The following PPP1R9A variants were observed in gnomAD, a reference collection of about 807,000 sequenced individuals.
PPP1R9A encodes neurabin-1.
A neutral mutation model predicts 141.9 loss-of-function variants in PPP1R9A; 59 were observed. The ratio of observed to expected loss-of-function variants is 0.42; its 90% CI spans 0.34 to 0.52. PPP1R9A has a LOEUF of 0.52. Ranked by LOEUF, PPP1R9A falls within the 20% of genes least tolerant of loss-of-function variation. The probability of loss-of-function intolerance (pLI) is 0.10; values close to 1 mark genes in which losing one functional copy is unlikely to be tolerated. For synonymous variants in PPP1R9A, 500 were observed against 569.7 expected, an observed-to-expected ratio of 0.88 and a Z score of 1.74; for missense variants, 1,444 against 1,611.9, an observed-to-expected ratio of 0.90 and a Z score of 1.78.
intron 14 of PPP1R9A, among the ~76,000 whole-genome samples, chr7:95,273,048 G>A (rs948337339): frequency 6.6e-6 from 1 of 152,156 alleles, no homozygotes; most frequent in African/African-American, 2.4e-5. Context: ...GATGGAACAA[G>A]TGCCACCAGT....
chr7:95,091,133 T>A (rs1476706377), intron 2 of PPP1R9A, among the ~76,000 whole-genome samples: 1 of 152,050 alleles, frequency 6.6e-6, no homozygotes, highest in East Asian at 1.9e-4. Flanking sequence ...TTGATTTTTT[T>A]TACTTTTTAA....
intron 5 of PPP1R9A, 128 bp from the exon 6 acceptor site, chr7:95,198,221 G>T: frequency 2.6e-6 from 2 of 774,052 alleles, no homozygotes; most frequent in Non-Finnish European, 3.7e-6. Flanking sequence ...AAACCATTTT[G>T]AAGTACGTAG....
chr7:95,042,817 C>T (rs1182431399), intron 2 of PPP1R9A, among the ~76,000 whole-genome samples: 1 of 152,016 alleles, frequency 6.6e-6, no homozygotes, highest in Non-Finnish European at 1.5e-5. Context: ...AAATAAATTT[C>T]ATGTTTTGAA....
Position 94,960,804 on chromosome 7 carries a change from C to T in PPP1R9A, c.1395+49296C>T, listed in dbSNP as rs539942780. Among the ~76,000 whole-genome samples the T allele has an allele frequency of 3.3e-5, 5 of 151,468 alleles. No individual in the cohort carries two copies. The South Asian group carries it at 8.3e-4, about 25-fold the overall frequency. Reference sequence around the variant, plus strand: ...TCTTTTTTTTAATCCAGATCTCCTTCGTCAGAAGATAAATGACAATAAAAT... The same window carrying T: ...TCTTTTTTTTAATCCAGATCTCCTTTGTCAGAAGATAAATGACAATAAAAT... On this transcript the variant is annotated intron_variant, in intron 2 of 19. Transcript: ENST00000433360.
At position 95,284,287 on chromosome 7, in the gene PPP1R9A, G is replaced by A. The variant is rs1490777454; in HGVS notation, c.3566G>A (p.Arg1189Lys). 3 of 1,559,702 alleles carry A rather than the reference G, an allele frequency of 1.9e-6. No homozygotes were observed. Among genetic ancestry groups the A allele is most frequent in the Non-Finnish European group, 2.6e-6 (3 of 1,148,832 alleles). Residue 1189 changes from arginine to lysine, a missense_variant, in exon 17 of 20, where the codon AGG becomes AAG. Around this residue, in one of 5 missense-constraint regions of PPP1R9A, gnomAD observed 459 missense variants for 513.8 expected, o/e 0.89. Transcript: ENST00000433360. ...CCCTCCTCTTCTTCAATCTTTGGAAGGCATTCTCAACTTATGTCTGTAGTC... is the reference window on the plus strand; with the variant it reads ...CCCTCCTCTTCTTCAATCTTTGGAAAGCATTCTCAACTTATGTCTGTAGTC... ...PNPSSSSIFGRHSQLMSVVWI... is the reference protein window; with the variant it reads ...PNPSSSSIFGKHSQLMSVVWI...
chr7:95,220,627 C>T (rs1174306927), intron 7 of PPP1R9A, among the ~76,000 whole-genome samples: 1 of 152,080 alleles, frequency 6.6e-6, no homozygotes, highest in East Asian at 1.9e-4. Context: ...AACATTTGTT[C>T]AGTGCCCACT....
chr7:95,102,456 C>T (rs975222026), intron 2 of PPP1R9A, among the ~76,000 whole-genome samples: 6 of 152,146 alleles, frequency 3.9e-5, no homozygotes, highest in Non-Finnish European at 7.3e-5. Flanking sequence ...ATCCAGCAGC[C>T]TCAGTATCAT....
intron 4 of PPP1R9A, among the ~76,000 whole-genome samples, chr7:95,153,584 G>T (rs1289276580): frequency 6.6e-6 from 1 of 152,148 alleles, no homozygotes; most frequent in South Asian, 2.1e-4. Context: ...TTTTAAATCA[G>T]TCTGATTTGT....
rs1807010844 is a variant in PPP1R9A at position 95,295,684 on chromosome 7, T to C, written c.*5381T>C. On this transcript the variant is annotated 3_prime_UTR_variant, in exon 20 of 20. Coordinates refer to ENST00000433360, the MANE Select transcript of PPP1R9A (RefSeq NM_001166160.2). The stretch of plus-strand genomic sequence containing the variant: ...TACACTTCTGTTTCTTTCAGCTGTA[T>C]TATTTATACACCCAGGTTTTCTGTT... 1 of 152,232 alleles carries C rather than the reference T, an allele frequency of 6.6e-6. No homozygotes were observed. The highest frequency in any genetic ancestry group is 1.5e-5 in the Non-Finnish European group (1 of 68,044). The allele number at this position is 152,232 out of a possible 1,614,324, so 9.4% of individuals were successfully genotyped here. A position where few individuals can be genotyped will look rare whatever the true frequency, so the allele number is the denominator to read the frequency against.
At chr7:94,973,721 CT>C (rs200492667) in intron 2 of PPP1R9A, among the ~76,000 whole-genome samples, 410 of 137,046 alleles carry the variant, frequency 3.0e-3, no homozygotes, top group Middle Eastern at 3.9e-3. Flanking sequence ...TTCTTTCTTT[CT>C]TTTTTTTTTT....
At chr7:94,942,125 C>A (rs1163746536) in intron 2 of PPP1R9A, among the ~76,000 whole-genome samples, 1 of 152,030 alleles carries the variant, frequency 6.6e-6, no homozygotes, top group Admixed American at 6.5e-5. Flanking sequence ...ATCTAAATAT[C>A]ATTTCTCCCA....
chr7:95,014,470 A>G (rs1360334694), intron 2 of PPP1R9A, among the ~76,000 whole-genome samples: 2 of 152,040 alleles, frequency 1.3e-5, no homozygotes, highest in African/African-American at 4.8e-5. Context: ...TTTTCAGTGC[A>G]TCAGATCTGG....
At chr7:94,981,539 CG>C (rs1277829004) in intron 2 of PPP1R9A, among the ~76,000 whole-genome samples, 1 of 152,028 alleles carries the variant, frequency 6.6e-6, no homozygotes, top group Non-Finnish European at 1.5e-5. Context: ...GCCTGGCCTA[CG>C]TTTTTTTTAA....
chr7:95,012,776 T>C (rs1273875943), intron 2 of PPP1R9A, among the ~76,000 whole-genome samples: 17 of 152,164 alleles, frequency 1.1e-4, no homozygotes, highest in Admixed American at 1.1e-3. Context: ...TCACTGAGTA[T>C]ATAGAAATTT....
In PPP1R9A at chr7:94,911,230, G is replaced by A. The variant is rs754420567; in HGVS notation, c.1117G>A (p.Asp373Asn). 1 of 1,614,204 alleles carries A rather than the reference G, an allele frequency of 6.2e-7. No homozygotes were observed. The highest frequency in any genetic ancestry group is 1.7e-5 in the Admixed American group (1 of 60,026). The change falls in exon 2 of 20, where the codon GAT (aspartate) becomes AAT (asparagine). Residue 373 changes from aspartate (D) to asparagine (N), a missense_variant. Physicochemically the swap from Asp to Asn is conservative, Grantham distance 23 (BLOSUM62 1). Coordinates refer to ENST00000433360, the MANE Select transcript of PPP1R9A (RefSeq NM_001166160.2). ...TGCAGGTGGTGATTTCACCTCTCCT[G>A]ATGCTTCTGCATCCAGTTGTGGAAA... Reference protein sequence around the residue: ...ELAGGDFTSPDASASSCGKEV... With the variant: ...ELAGGDFTSPNASASSCGKEV...
chr7:94,924,617 C>T (rs905636345), intron 2 of PPP1R9A, among the ~76,000 whole-genome samples: 3 of 152,190 alleles, frequency 2.0e-5, no homozygotes, highest in Admixed American at 6.5e-5. Context: ...CAACTTCCGT[C>T]TCCCGAGTTC....
At position 95,274,084 on chromosome 7, in the gene PPP1R9A, G is replaced by C. The variant is rs1802710012; in HGVS notation, c.3213-1G>C. ...TTTCTGACTGCTTACTATCATTACAGGGCGCCTTTGCGAAGGAATTCCAGC... is the reference window on the plus strand; with the variant it reads ...TTTCTGACTGCTTACTATCATTACACGGCGCCTTTGCGAAGGAATTCCAGC... On this transcript the variant is annotated splice_acceptor_variant, in intron 15 of 19. Coordinates refer to ENST00000433360, the MANE Select transcript of PPP1R9A (RefSeq NM_001166160.2). LOFTEE classifies it high-confidence loss of function. The C allele has an allele frequency of 6.4e-7, 1 of 1,569,976 alleles. No individual in the cohort carries two copies. Among genetic ancestry groups the C allele is most frequent in the Admixed American group, 1.7e-5 (1 of 57,698 alleles).
chr7:95,200,886 C>G (rs1789420854), intron 6 of PPP1R9A, among the ~76,000 whole-genome samples: 1 of 152,060 alleles, frequency 6.6e-6, no homozygotes, highest in Non-Finnish European at 1.5e-5. Context: ...AGGTTTTTTT[C>G]TAGTGGTACA....
intron 4 of PPP1R9A, among the ~76,000 whole-genome samples, chr7:95,122,318 T>C (rs780113208): frequency 1.3e-5 from 2 of 152,184 alleles, no homozygotes; most frequent in Non-Finnish European, 2.9e-5. Flanking sequence ...AGCTAATTTT[T>C]GTATTTTTAG....
Sources: gnomAD v4.1 joint callset for allele counts (sites outside exome capture counted in the v4.1 genomes callset) on GRCh38, gnomAD v4.1.1 for gene constraint, gnomAD v4.1.1 regional missense constraint, MANE v1.5 for transcripts, NCBI Gene and HGNC (gene_info 2026-07-23, HGNC 2026-07-21) for gene names.